The following EVI5 variants were observed in gnomAD, a reference collection of about 807,000 sequenced individuals.
EVI5 encodes ecotropic viral integration site 5, also known as ecotropic viral integration site 5 protein homolog.
EVI5 carries 73 observed loss-of-function variants against 112.0 expected under a neutral mutation model. The observed-to-expected ratio is 0.65, with a 90% CI of 0.54 to 0.79. The LOEUF is 0.79. EVI5 is among the 30% of genes least tolerant of loss of function. The pLI is 0.00. For missense variants in EVI5, 900 were observed against 968.8 expected, an observed-to-expected ratio of 0.93 and a Z score of 0.94; for synonymous variants, 305 against 319.9, an observed-to-expected ratio of 0.95 and a Z score of 0.50.
chr1:92,737,480 G>A (rs942002301), intron 1 of EVI5, among the ~76,000 whole-genome samples: 5 of 152,126 alleles, frequency 3.3e-5, no homozygotes, highest in Admixed American at 2.6e-4. Context: ...TTATACATAT[G>A]CTCACATATT....
intron 1 of EVI5, among the ~76,000 whole-genome samples, chr1:92,767,082 CAAAAA>C (rs35316799): frequency 5.3e-5 from 6 of 113,234 alleles, no homozygotes; most frequent in African/African-American, 1.4e-4. Context: ...GACTCCCTCT[CAAAAA>C]AAAAAAAAAA....
At chr1:92,715,733 T>C (rs1673538225) in intron 2 of EVI5, among the ~76,000 whole-genome samples, 1 of 152,106 alleles carries the variant, frequency 6.6e-6, no homozygotes, top group African/African-American at 2.4e-5. Context: ...AGACTGTACC[T>C]GGAAAAACGG....
intron 1 of EVI5, among the ~76,000 whole-genome samples, chr1:92,777,845 T>C (rs1014856273): frequency 7.9e-5 from 12 of 151,748 alleles, no homozygotes; most frequent in Admixed American, 3.9e-4. Context: ...AATGAGACAA[T>C]AGCAACAAAA....
chr1:92,533,696 T>C lies in EVI5; in HGVS notation c.2167-19726A>G, dbSNP rs969453022. Among the ~76,000 whole-genome samples, 17 of 152,266 alleles carry C rather than the reference T, an allele frequency of 1.1e-4. No homozygotes were observed. In the East Asian group the frequency reaches 3.1e-3, roughly 28 times the overall value. On this transcript the variant is annotated intron_variant, in intron 19 of 19. Transcript: ENST00000684568. ...ATGACAAAAACCACGTTTATCTCAATAGATGCAGAAAAGGCCTTCAACTAT... is the reference window on the plus strand; with the variant it reads ...ATGACAAAAACCACGTTTATCTCAACAGATGCAGAAAAGGCCTTCAACTAT...
intron 19 of EVI5, among the ~76,000 whole-genome samples, chr1:92,550,815 A>AT (rs1557766729): frequency 5.5e-5 from 5 of 90,234 alleles, no homozygotes; most frequent in African/African-American, 1.8e-4. Context: ...TATATATATA[A>AT]CAAAAAAAAC....
intron 2 of EVI5, among the ~76,000 whole-genome samples, chr1:92,717,202 A>C (rs1197379222): frequency 6.6e-6 from 1 of 152,154 alleles, no homozygotes; most frequent in African/African-American, 2.4e-5. Flanking sequence ...AGTTCAAATT[A>C]ATGAAATACT....
intron 10 of EVI5, among the ~76,000 whole-genome samples, chr1:92,667,320 A>G (rs192859181): frequency 1.4e-4 from 21 of 152,310 alleles, no homozygotes; most frequent in Admixed American, 1.0e-3. Flanking sequence ...TTAGACTTCA[A>G]TAGTCTCCAT....
chr1:92,516,133 C>A (rs1478184487), intron 19 of EVI5, among the ~76,000 whole-genome samples: 1 of 152,202 alleles, frequency 6.6e-6, no homozygotes, highest in Non-Finnish European at 1.5e-5. Flanking sequence ...TTGCAACACA[C>A]AATTTATAGC....
At chr1:92,756,564 T>C (rs1680981211) in intron 1 of EVI5, 1 of 515,648 alleles carries the variant, frequency 1.9e-6, no homozygotes, top group Admixed American at 2.0e-5. Context: ...CTCATGATAA[T>C]GATGTGAAAG....
chr1:92,622,839 C>T (rs527566348), intron 16 of EVI5, among the ~76,000 whole-genome samples: 99 of 152,282 alleles, frequency 6.5e-4, no homozygotes, highest in African/African-American at 2.3e-3. Flanking sequence ...TCCAAACCAC[C>T]TAGTTGAAAT....
At chr1:92,517,518 G>A (rs1197456666) in intron 19 of EVI5, among the ~76,000 whole-genome samples, 1 of 152,162 alleles carries the variant, frequency 6.6e-6, no homozygotes, top group African/African-American at 2.4e-5. Flanking sequence ...AGCTGAAATG[G>A]AACTCTTAAT....
chr1:92,683,381 C>A (rs1222706553), intron 9 of EVI5, among the ~76,000 whole-genome samples: 1 of 152,124 alleles, frequency 6.6e-6, no homozygotes, highest in African/African-American at 2.4e-5. Flanking sequence ...ACAAAAAGGA[C>A]TTCCATACCA....
intron 9 of EVI5, among the ~76,000 whole-genome samples, chr1:92,687,444 A>G (rs1039412643): frequency 6.6e-6 from 1 of 152,334 alleles, no homozygotes; most frequent in Non-Finnish European, 1.5e-5. Context: ...ACCCTAGAAG[A>G]AAACCTAGGC....
chr1:92,786,257 T>G (rs1223279554), upstream of EVI5, among the ~76,000 whole-genome samples: 10 of 148,634 alleles, frequency 6.7e-5, no homozygotes, highest in East Asian at 2.0e-3. Context: ...AAAAAAAACC[T>G]TACTTTTTTT....
At chr1:92,766,096 A>AAATAATAATAATAATAAT (rs71091300) in intron 1 of EVI5, among the ~76,000 whole-genome samples, 1 of 141,014 alleles carries the variant, frequency 7.1e-6, no homozygotes, top group African/African-American at 2.6e-5. Flanking sequence ...AGACCCTGCA[A>AAATAATAATAATAATAAT]AATAATAATA....
At chr1:92,574,479 T>A (rs12046739) in intron 18 of EVI5, among the ~76,000 whole-genome samples, 1 of 152,124 alleles carries the variant, frequency 6.6e-6, no homozygotes, top group African/African-American at 2.4e-5. Flanking sequence ...CAGTTCTAAG[T>A]AGCATGGTTT....
chr1:92,791,852 G>T (rs748581756), intron 1 of EVI5, among the ~76,000 whole-genome samples: 1 of 152,132 alleles, frequency 6.6e-6, no homozygotes, highest in Non-Finnish European at 1.5e-5. Context: ...AAACACGACG[G>T]GAGGCAACAC....
intron 7 of EVI5, among the ~76,000 whole-genome samples, 180 bp from the exon 8 acceptor site, chr1:92,694,568 T>C (rs1225833718): frequency 6.6e-6 from 1 of 152,154 alleles, no homozygotes; most frequent in Non-Finnish European, 1.5e-5. Context: ...TCTGTCAAAA[T>C]TACTCAGTTC....
chr1:92,644,872 A>T (rs1660652701), intron 13 of EVI5, among the ~76,000 whole-genome samples: 1 of 152,156 alleles, frequency 6.6e-6, no homozygotes, highest in Non-Finnish European at 1.5e-5. Flanking sequence ...GTCAGAGAAG[A>T]TCCTTTGTAT....
Sources: gnomAD v4.1 joint callset for allele counts (sites outside exome capture counted in the v4.1 genomes callset) on GRCh38, gnomAD v4.1.1 for gene constraint, MANE v1.5 for transcripts, NCBI Gene and HGNC (gene_info 2026-07-23, HGNC 2026-07-21) for gene names.